The following COX16 variants were observed in gnomAD, a reference collection of about 807,000 sequenced individuals.
COX16 encodes cytochrome c oxidase assembly factor COX16, also known as cytochrome c oxidase assembly protein COX16 homolog, mitochondrial.
A neutral mutation model predicts 15.4 loss-of-function variants in COX16; 12 were observed. The observed-to-expected ratio is 0.78, with a 90% CI of 0.50 to 1.26. The LOEUF is 1.26. Ranked by LOEUF, COX16 falls within the 50% of genes most tolerant of loss-of-function variation. The pLI is 0.00. For missense variants in COX16, 124 were observed against 127.6 expected, an observed-to-expected ratio of 0.97 and a Z score of 0.14; for synonymous variants, 46 against 41.1, an observed-to-expected ratio of 1.12 and a Z score of -0.46.
chr14:70,335,077 CTT>C lies in COX16; in HGVS notation c.142-5843_142-5842del, dbSNP rs369734595. ...CTATACTTATATCAGATAAAATAGA[CTT>C]AAGTCAAAAACTAAAAAGAGACAAC... On this transcript the variant is annotated intron_variant, in intron 2 of 3. Transcript: ENST00000389912. Among the ~76,000 whole-genome samples, 11 of 152,138 alleles carry C rather than the reference CTT, an allele frequency of 7.2e-5. No homozygotes were observed. The East Asian group carries it at 1.2e-3, about 16-fold the overall frequency.
At chr14:70,358,056 T>C (rs57418927) in intron 1 of COX16, among the ~76,000 whole-genome samples, 11 of 152,346 alleles carry the variant, frequency 7.2e-5, no homozygotes, top group African/African-American at 2.4e-4. Flanking sequence ...AGGAATGAAG[T>C]ATTGATATAT....
At chr14:70,330,003 G>T (rs1886230266) in intron 2 of COX16, among the ~76,000 whole-genome samples, 2 of 151,948 alleles carry the variant, frequency 1.3e-5, no homozygotes, top group East Asian at 1.9e-4. Context: ...AGAAGTTCCA[G>T]AATTAGAAAA....
At chr14:70,340,004 TC>T (rs1886576707) in intron 2 of COX16, among the ~76,000 whole-genome samples, 1 of 152,218 alleles carries the variant, frequency 6.6e-6, no homozygotes, top group African/African-American at 2.4e-5. Context: ...TGACTCCATT[TC>T]CTAAACCTCA....
chr14:70,356,070 A>G (rs536693614), intron 1 of COX16, among the ~76,000 whole-genome samples: 2 of 152,280 alleles, frequency 1.3e-5, no homozygotes, highest in South Asian at 4.2e-4. Context: ...TACAGCCTGC[A>G]GAACCATGAG....
chr14:70,357,125 A>G (rs1887147110), intron 1 of COX16, among the ~76,000 whole-genome samples: 2 of 145,468 alleles, frequency 1.4e-5, no homozygotes, highest in African/African-American at 5.1e-5. Context: ...GAGCTCAACT[A>G]GTATGAACAG....
At position 70,325,905 on chromosome 14, in the gene COX16, T is replaced by G. The variant is rs570109522; in HGVS notation, c.*428A>C. 6.6e-6 allele frequency: 1 copy of G among 152,334 alleles called. No individual in the cohort carries two copies. Among genetic ancestry groups the G allele is most frequent in the Non-Finnish European group, 1.5e-5 (1 of 68,234 alleles). The allele number at this position is 152,334 out of a possible 1,614,324, so 9.4% of individuals were successfully genotyped here. A position where few individuals can be genotyped will look rare whatever the true frequency, so the allele number is the denominator to read the frequency against. On this transcript the variant is annotated 3_prime_UTR_variant, in exon 4 of 4. Transcript: ENST00000389912. ...TTTCCCTAATAGATATGAGAGAAAA[T>G]TACTGCTTGATTTTACTGTGAGAAT...
At chr14:70,355,370 C>T (rs185285934) in intron 1 of COX16, among the ~76,000 whole-genome samples, 98 of 152,330 alleles carry the variant, frequency 6.4e-4, no homozygotes, top group African/African-American at 2.3e-3. Context: ...TATACCTCAA[C>T]TCTCCAATGT....
At position 70,326,468 on chromosome 14, in the gene COX16, T is replaced by TAAA; in HGVS notation, c.205-20_205-19insTTT. ...TGATTTTCTATAGAACCACAAAAAA[T>TAAA]TAAAGTATAAATATTAGTATAAGAG... On this transcript the variant is annotated intron_variant, in intron 3 of 3. Transcript: ENST00000389912. 3.2e-6 allele frequency: 5 copies of TAAA among 1,554,552 alleles called. No homozygotes were observed. Among genetic ancestry groups the TAAA allele is most frequent in the Non-Finnish European group, 8.7e-7 (1 of 1,155,084 alleles).
chr14:70,350,256 C>T (rs556291285), intron 1 of COX16, among the ~76,000 whole-genome samples: 1 of 152,252 alleles, frequency 6.6e-6, no homozygotes, highest in Non-Finnish European at 1.5e-5. Context: ...CCCCTGAAGA[C>T]CCAGAAAGAG....
rs920746251 is a variant in COX16 at position 70,359,056 on chromosome 14, A to T, written c.69+463T>A. On this transcript the variant is annotated intron_variant, in intron 1 of 3. Transcript: ENST00000389912. ...CAAACTAGAAAGATGAAACAGAAAG[A>T]TACCAGGAATTCGTGCAGTTAAATG... Among the ~76,000 whole-genome samples, 6 of 152,228 alleles carry T rather than the reference A, an allele frequency of 3.9e-5. No individual in the cohort carries two copies. The East Asian group carries it at 5.8e-4, about 15-fold the overall frequency.
intron 3 of COX16, chr14:70,328,072 A>T (rs1422385052): frequency 6.4e-4 from 52 of 80,836 alleles, no homozygotes; most frequent in East Asian, 1.1e-3. Flanking sequence ...TGAGAATAAG[A>T]TTTTTTTTTT....
At chr14:70,334,914 C>A (rs61977509) in intron 2 of COX16, among the ~76,000 whole-genome samples, 7,767 of 152,160 alleles carry the variant, frequency 0.051, 268 homozygotes, top group Middle Eastern at 0.11. Context: ...GAGTGGCTCA[C>A]TGAATTAAAA....
At chr14:70,356,716 A>C (rs937467001) in intron 1 of COX16, among the ~76,000 whole-genome samples, 1 of 151,954 alleles carries the variant, frequency 6.6e-6, no homozygotes, top group Non-Finnish European at 1.5e-5. Context: ...CCAAAGGGTG[A>C]TATCAGTGAC....
chr14:70,340,418 G>C (rs919576891), intron 2 of COX16, among the ~76,000 whole-genome samples: 6 of 152,012 alleles, frequency 3.9e-5, no homozygotes, highest in African/African-American at 1.5e-4. Flanking sequence ...TAATACACTG[G>C]GTTATTGGCA....
chr14:70,345,968 T>G (rs1475528974), intron 1 of COX16, among the ~76,000 whole-genome samples: 2 of 152,070 alleles, frequency 1.3e-5, no homozygotes, highest in Non-Finnish European at 2.9e-5. Context: ...CTGTATCCAC[T>G]TCTTTTCCTA....
At chr14:70,335,796 T>G (rs1886434621) in intron 2 of COX16, among the ~76,000 whole-genome samples, 1 of 152,130 alleles carries the variant, frequency 6.6e-6, no homozygotes, top group Non-Finnish European at 1.5e-5. Context: ...GATCCCTGAC[T>G]TAGATTTGAA....
intron 2 of COX16, among the ~76,000 whole-genome samples, chr14:70,334,722 T>TA (rs1203267705): frequency 4.0e-5 from 6 of 151,820 alleles, no homozygotes; most frequent in African/African-American, 1.5e-4. Flanking sequence ...ACACTAAAAA[T>TA]AAAAAGCAAC....
intron 1 of COX16, among the ~76,000 whole-genome samples, chr14:70,354,228 GA>G (rs568385273): frequency 6.0e-4 from 91 of 152,154 alleles, no homozygotes; most frequent in African/African-American, 2.1e-3. Flanking sequence ...AATCAAAAGA[GA>G]ACAAATCAGA....
intron 2 of COX16, among the ~76,000 whole-genome samples, chr14:70,338,100 A>T (rs1481038905): frequency 6.6e-6 from 1 of 152,214 alleles, no homozygotes; most frequent in Non-Finnish European, 1.5e-5. Context: ...AAATCAGAAG[A>T]TAATTTGGCT....
Sources: allele counts gnomAD v4.1 joint callset (sites outside exome capture counted in the v4.1 genomes callset), GRCh38; gene constraint gnomAD v4.1.1; transcripts MANE v1.5; gene names NCBI Gene and HGNC (gene_info 2026-07-23, HGNC 2026-07-21).